Variants in XIRP2 observed in about 807,000 individuals in gnomAD.
The protein encoded by XIRP2 is xin actin-binding repeat-containing protein 2.
In XIRP2, 236 loss-of-function variants were observed where a neutral mutation model predicts 277.0. The ratio of observed to expected loss-of-function variants is 0.85; its 90% CI spans 0.77 to 0.95. XIRP2 has a LOEUF of 0.95. XIRP2 is among the 40% of genes least tolerant of loss of function. XIRP2 has a pLI of 0.00. For synonymous variants in XIRP2, 1,490 were observed against 1,416.5 expected, an observed-to-expected ratio of 1.05 and a Z score of -1.17; for missense variants, 4,640 against 4,157.5, an observed-to-expected ratio of 1.12 and a Z score of -3.19.
intron 2 of XIRP2, among the ~76,000 whole-genome samples, chr2:166,921,989 A>G (rs773352172): frequency 2.6e-5 from 4 of 152,170 alleles, no homozygotes; most frequent in Non-Finnish European, 5.9e-5. Context: ...AATGTGCAAG[A>G]AACAGATATG....
intron 1 of XIRP2, among the ~76,000 whole-genome samples, chr2:166,899,056 C>A (rs141516221): frequency 5.8e-4 from 89 of 152,162 alleles, no homozygotes; most frequent in Middle Eastern, 3.4e-3. Context: ...TTTGTCTTCT[C>A]CGTTCCCTCT....
intron 2 of XIRP2, among the ~76,000 whole-genome samples, chr2:166,919,424 C>CT (rs1396647369): frequency 6.6e-6 from 1 of 152,170 alleles, no homozygotes; most frequent in African/African-American, 2.4e-5. Context: ...ACAAATTACT[C>CT]TAAGGCATGG....
chr2:167,255,762 G>T (rs969915474), intron 10 of XIRP2, among the ~76,000 whole-genome samples: 1 of 151,634 alleles, frequency 6.6e-6, no homozygotes, highest in Non-Finnish European at 1.5e-5. Flanking sequence ...TTCTGCAGTT[G>T]TTCTGATATT....
At chr2:167,078,477 C>A (rs1689633083) in intron 2 of XIRP2, among the ~76,000 whole-genome samples, 1 of 152,088 alleles carries the variant, frequency 6.6e-6, no homozygotes, top group Non-Finnish European at 1.5e-5. Context: ...CTCTTGCCTG[C>A]TTGCTCTGGA....
chr2:167,201,219 A>AGG, intron 3 of XIRP2, among the ~76,000 whole-genome samples: 2 of 131,692 alleles, frequency 1.5e-5, no homozygotes, highest in African/African-American at 3.0e-5. Flanking sequence ...AGAAAGAAAG[A>AGG]AAGAAAGAAA....
At chr2:167,070,559 T>A (rs928014981) in intron 2 of XIRP2, among the ~76,000 whole-genome samples, 1 of 152,180 alleles carries the variant, frequency 6.6e-6, no homozygotes, top group African/African-American at 2.4e-5. Context: ...TAGTTTGGAA[T>A]TTAACATTGA....
intron 2 of XIRP2, among the ~76,000 whole-genome samples, chr2:167,118,862 A>T (rs78305097): frequency 0.04 from 6,142 of 152,278 alleles, 167 homozygotes; most frequent in South Asian, 0.083. Flanking sequence ...ATCCATACTG[A>T]AAAAGGACTA....
chr2:166,931,373 C>G (rs1021878324), intron 2 of XIRP2, among the ~76,000 whole-genome samples: 2 of 152,152 alleles, frequency 1.3e-5, no homozygotes, highest in African/African-American at 4.8e-5. Flanking sequence ...ATGTGAGCAT[C>G]TCTTAGAGCA....
intron 2 of XIRP2, among the ~76,000 whole-genome samples, chr2:167,024,046 C>T (rs1397399390): frequency 6.6e-6 from 1 of 152,060 alleles, no homozygotes; most frequent in Non-Finnish European, 1.5e-5. Context: ...TTACCTTGTG[C>T]AGTATGGCCA....
chr2:167,045,808 G>A (rs946464472), intron 2 of XIRP2, among the ~76,000 whole-genome samples: 1 of 151,998 alleles, frequency 6.6e-6, no homozygotes, highest in African/African-American at 2.4e-5. Context: ...ACTATGGAAA[G>A]GTGGAAAGCA....
At chr2:166,994,826 G>C (rs1687168830) in intron 2 of XIRP2, among the ~76,000 whole-genome samples, 1 of 151,804 alleles carries the variant, frequency 6.6e-6, no homozygotes, top group Admixed American at 6.6e-5. Context: ...ACTAGTTTAA[G>C]GGTTTACAGG....
rs572569168 is a variant in XIRP2 at position 167,259,059 on chromosome 2, C to T, written c.*1242C>T. ...AGCAAAAATTTACACTTTTTCTTTT[C>T]TAACACCGTGAAAATCACTGCATTT... is the stretch of plus-strand genomic sequence containing the variant. On this transcript the variant is annotated 3_prime_UTR_variant, in exon 11 of 11. Transcript: ENST00000409195. 86 of 1,611,204 alleles carry T rather than the reference C, an allele frequency of 5.3e-5. 1 individual carries two copies. The South Asian group carries it at 9.1e-4, about 17-fold the overall frequency.
chr2:167,026,033 C>T (rs1199053744), intron 2 of XIRP2, among the ~76,000 whole-genome samples: 1 of 152,066 alleles, frequency 6.6e-6, no homozygotes. Context: ...TCTCGTTGAT[C>T]TGTCTAATGT....
intron 2 of XIRP2, among the ~76,000 whole-genome samples, chr2:167,040,143 T>G (rs1172841672): frequency 1.3e-5 from 2 of 151,828 alleles, no homozygotes; most frequent in Non-Finnish European, 1.5e-5. Context: ...TTTCAAAAGT[T>G]TAGCAAAATA....
At chr2:167,031,841 A>G (rs758354354) in intron 2 of XIRP2, among the ~76,000 whole-genome samples, 4 of 152,118 alleles carry the variant, frequency 2.6e-5, no homozygotes, top group Non-Finnish European at 5.9e-5. Flanking sequence ...ATGCTCATAG[A>G]TAGGAACAAT....
Position 167,013,366 on chromosome 2 carries a change from A to T in XIRP2, c.408+109476A>T, listed in dbSNP as rs149733506. On this transcript the variant is annotated intron_variant, in intron 2 of 10. Transcript: ENST00000409195. ...AACAATTCTAGACTGAAAAATAGTG[A>T]CTTTCAAGTTGATCCTCTTTCTTAT... 3.8e-4 allele frequency among the ~76,000 whole-genome samples: 57 copies of T among 151,504 alleles called. 1 individual carries two copies. In the East Asian group the frequency reaches 0.011, roughly 29 times the overall value.
chr2:167,078,775 T>C (rs570587340), intron 2 of XIRP2, among the ~76,000 whole-genome samples: 2 of 150,902 alleles, frequency 1.3e-5, no homozygotes, highest in South Asian at 2.1e-4. Context: ...AGGTTGGAGC[T>C]TGCAGTGAGC....
intron 3 of XIRP2, among the ~76,000 whole-genome samples, chr2:167,174,974 T>G (rs1414225804): frequency 6.6e-6 from 1 of 152,166 alleles, no homozygotes; most frequent in Admixed American, 6.5e-5. Context: ...TCCATTCTTT[T>G]GTATTTGCTG....
chr2:166,928,548 C>T (rs145529281), intron 2 of XIRP2, among the ~76,000 whole-genome samples: 1 of 152,094 alleles, frequency 6.6e-6, no homozygotes, highest in Non-Finnish European at 1.5e-5. Flanking sequence ...ATTATATTTG[C>T]AGTTGCTAGC....
Sources: allele counts gnomAD v4.1 joint callset (sites outside exome capture counted in the v4.1 genomes callset), GRCh38; gene constraint gnomAD v4.1.1; transcripts MANE v1.5; gene names NCBI Gene and HGNC (gene_info 2026-07-23, HGNC 2026-07-21).